Variants in TMEM200A observed in about 807,000 individuals in gnomAD.
The protein encoded by TMEM200A is two transmembrane C.
Under a neutral mutation model 24.3 loss-of-function variants are expected in TMEM200A, and 12 were observed. The observed-to-expected ratio is 0.49, with a 90% CI of 0.32 to 0.80. The LOEUF (loss-of-function observed/expected upper bound fraction) is 0.80. TMEM200A is among the 30% of genes least tolerant of loss of function. TMEM200A has a pLI of 0.04. For synonymous variants in TMEM200A, 224 were observed against 224.4 expected, an observed-to-expected ratio of 1.00 and a Z score of 0.02; for missense variants, 545 against 614.4, an observed-to-expected ratio of 0.89 and a Z score of 1.19.
chr6:130,441,738 C>A lies in TMEM200A; in HGVS notation c.1316C>A (p.Pro439Gln), dbSNP rs574341811. 6.2e-7 allele frequency: 1 copy of A among 1,613,956 alleles called. No homozygotes were observed. Among genetic ancestry groups the A allele is most frequent in the Non-Finnish European group, 8.5e-7 (1 of 1,179,964 alleles). Reference sequence around the variant, plus strand: ...ATGAAACTAGAGAACAAAGAAGACCCGATGGATAGGTTGCTTGTGCCCCAA... The same window carrying A: ...ATGAAACTAGAGAACAAAGAAGACCAGATGGATAGGTTGCTTGTGCCCCAA... ...GYMKLENKED[P>Q]MDRLLVPQVA... The change falls in exon 3 of 3, where the codon CCG becomes CAG. Residue 439 changes from proline to glutamine, a missense_variant. Physicochemically the swap from Pro to Gln is moderately conservative, Grantham distance 76 (BLOSUM62 -1). Transcript: ENST00000296978.
intron 1 of TMEM200A, among the ~76,000 whole-genome samples, chr6:130,384,037 C>G (rs1352637951): frequency 6.6e-6 from 1 of 152,022 alleles, no homozygotes. Context: ...CGAGAATCGC[C>G]TGAACCCAGG....
intron 2 of TMEM200A, among the ~76,000 whole-genome samples, chr6:130,391,731 C>CT (rs773093362): frequency 0.011 from 901 of 81,918 alleles, 108 homozygotes; most frequent in Middle Eastern, 0.014. Flanking sequence ...TTCAAGATTC[C>CT]TTTTTTTTTT....
At chr6:130,416,016 T>G (rs1779440956) in intron 2 of TMEM200A, among the ~76,000 whole-genome samples, 1 of 152,136 alleles carries the variant, frequency 6.6e-6, no homozygotes, top group Admixed American at 6.5e-5. Context: ...AATTATGACA[T>G]TTAAGATTTT....
rs943776156 is a variant in TMEM200A at position 130,441,825 on chromosome 6, A to G, written c.1403A>G (p.Asn468Ser). 5 of 1,613,760 alleles carry G rather than the reference A, an allele frequency of 3.1e-6. No individual in the cohort carries two copies. The highest frequency in any genetic ancestry group is 1.7e-5 in the Admixed American group (1 of 59,984). The change falls in exon 3 of 3, where the codon AAT becomes AGT. Residue 468 changes from asparagine (N) to serine (S), a missense_variant. Transcript: ENST00000296978. Reference protein sequence around the residue: ...EKLLMISRSHNNLSFEHDEFL... With the variant: ...EKLLMISRSHSNLSFEHDEFL... ...CTTCTTATGATTTCAAGATCTCACA[A>G]TAATTTGAGTTTTGAACATGATGAG... is the stretch of plus-strand genomic sequence containing the variant.
chr6:130,382,887 A>G, intron 1 of TMEM200A: 1 of 270,338 alleles, frequency 3.7e-6, no homozygotes, highest in Non-Finnish European at 5.7e-6. Context: ...AGCTAGTGGC[A>G]TGAAGCAGGA....
chr6:130,374,501 C>T (rs745839240), intron 1 of TMEM200A, among the ~76,000 whole-genome samples: 3 of 151,750 alleles, frequency 2.0e-5, no homozygotes, highest in Non-Finnish European at 2.9e-5. Flanking sequence ...CTGCAATCTC[C>T]GCCTCTCAGG....
chr6:130,433,540 T>A (rs966975576), intron 2 of TMEM200A, among the ~76,000 whole-genome samples: 2 of 152,188 alleles, frequency 1.3e-5, no homozygotes, highest in Non-Finnish European at 2.9e-5. Flanking sequence ...AGATATAGAT[T>A]AAAAATCCTA....
chr6:130,375,545 G>C lies in TMEM200A; in HGVS notation c.-81+9021G>C, dbSNP rs546006671. Reference sequence around the variant, plus strand: ...CATATAAATGAGCAAGGCAATTTCAGGCATTCAAAAAGTGCTGTAAGGGAA... The same window carrying C: ...CATATAAATGAGCAAGGCAATTTCACGCATTCAAAAAGTGCTGTAAGGGAA... On this transcript the variant is annotated intron_variant, in intron 1 of 2. Transcript: ENST00000296978. Among the ~76,000 whole-genome samples the C allele has an allele frequency of 1.6e-4, 24 of 152,278 alleles. No individual in the cohort carries two copies. In the East Asian group the frequency reaches 3.7e-3, roughly 23 times the overall value.
intron 2 of TMEM200A, among the ~76,000 whole-genome samples, chr6:130,391,190 G>T (rs961049740): frequency 1.3e-4 from 20 of 152,188 alleles, no homozygotes; most frequent in African/African-American, 4.8e-4. Flanking sequence ...ACCCATAGAA[G>T]TGCAATAAAT....
At chr6:130,371,387 C>T (rs1778318232) in intron 1 of TMEM200A, among the ~76,000 whole-genome samples, 1 of 152,078 alleles carries the variant, frequency 6.6e-6, no homozygotes, top group Non-Finnish European at 1.5e-5. Flanking sequence ...GGTTATGAGG[C>T]CATTAAGCAG....
intron 2 of TMEM200A, among the ~76,000 whole-genome samples, chr6:130,400,959 C>A (rs538992385): frequency 2.0e-5 from 3 of 151,972 alleles, no homozygotes; most frequent in Non-Finnish European, 4.4e-5. Context: ...AGTGATGGAC[C>A]TTACATCTAG....
At chr6:130,400,383 C>G (rs1356652327) in intron 2 of TMEM200A, among the ~76,000 whole-genome samples, 1 of 151,886 alleles carries the variant, frequency 6.6e-6, no homozygotes, top group Non-Finnish European at 1.5e-5. Context: ...AGAATTGTTC[C>G]CTGTTCACCA....
At chr6:130,368,303 G>T (rs1278632756) in intron 1 of TMEM200A, among the ~76,000 whole-genome samples, 2 of 152,124 alleles carry the variant, frequency 1.3e-5, no homozygotes, top group Admixed American at 6.5e-5. Context: ...ATAAAGGAAA[G>T]AAATTCATAT....
rs762173756 is a variant in TMEM200A, at chr6:130,441,686, T to C, written c.1264T>C (p.Leu422=). ...EQRKHPSWPR[L]DRNNSKGYMK... ...ACGGAAACATCCAAGTTGGCCTAGG[T>C]TGGATCGGAACAACAGCAAGGGATA... is the stretch of plus-strand genomic sequence containing the variant. Residue 422 remains leucine (L), a synonymous_variant, in exon 3 of 3, where the codon TTG becomes CTG. Coordinates refer to ENST00000296978, the MANE Select transcript of TMEM200A (RefSeq NM_001258277.2). 1.5e-5 allele frequency: 24 copies of C among 1,613,994 alleles called. No individual in the cohort carries two copies. Among genetic ancestry groups the C allele is most frequent in the Admixed American group, 3.3e-5 (2 of 60,012 alleles).
intron 1 of TMEM200A, among the ~76,000 whole-genome samples, chr6:130,378,804 T>C (rs889835840): frequency 6.6e-6 from 1 of 151,772 alleles, no homozygotes; most frequent in Admixed American, 6.6e-5. Flanking sequence ...TTACTTTGGA[T>C]GGTGTATTAG....
intron 2 of TMEM200A, among the ~76,000 whole-genome samples, chr6:130,388,336 T>G (rs1204016975): frequency 3.3e-5 from 5 of 152,174 alleles, no homozygotes; most frequent in African/African-American, 1.2e-4. Flanking sequence ...GAAAATAAAC[T>G]ACAACATTAG....
chr6:130,401,406 T>C (rs1388014033), intron 2 of TMEM200A, among the ~76,000 whole-genome samples: 2 of 80,790 alleles, frequency 2.5e-5, no homozygotes. Flanking sequence ...TCTTTCTTTT[T>C]CTTTCTTTCT....
chr6:130,417,535 C>A lies in TMEM200A; in HGVS notation c.-16-22872C>A, dbSNP rs140328579. Among the ~76,000 whole-genome samples, 817 of 152,184 alleles carry A rather than the reference C, an allele frequency of 5.4e-3. 12 individuals carry two copies. Among genetic ancestry groups the A allele is most frequent in the African/African-American group, 0.017 (713 of 41,542 alleles). On this transcript the variant is annotated intron_variant, in intron 2 of 2. Transcript: ENST00000296978. ...AAGTGGAAAGGATTCTTTATGAATT[C>A]TTTGTATTATATGGAAGGTAAAATC...
intron 2 of TMEM200A, among the ~76,000 whole-genome samples, chr6:130,435,705 A>G (rs1779986529): frequency 6.6e-6 from 1 of 152,238 alleles, no homozygotes; most frequent in Admixed American, 6.5e-5. Flanking sequence ...CTTAGGATCC[A>G]AAGAGACTGA....
Sources: gnomAD v4.1 joint callset for allele counts (sites outside exome capture counted in the v4.1 genomes callset) on GRCh38, gnomAD v4.1.1 for gene constraint, MANE v1.5 for transcripts, NCBI Gene and HGNC (gene_info 2026-07-23, HGNC 2026-07-21) for gene names.